The following YPEL2 variants were observed in gnomAD, a reference collection of about 807,000 sequenced individuals.
YPEL2 encodes the protein yippee like 2.
Under a neutral mutation model 19.1 loss-of-function variants are expected in YPEL2, and 2 were observed. That is an observed-to-expected ratio of 0.10 (90% CI 0.04 to 0.33). The LOEUF is 0.33. Among genes scored for constraint, YPEL2 ranks in the 10% least tolerant of loss-of-function variants. YPEL2 has a pLI of 1.00. For missense variants in YPEL2, 66 were observed against 140.7 expected (o/e 0.47, Z 2.68); for synonymous variants, 52 against 50.0 (o/e 1.04, Z -0.17).
rs72831266 is a variant in YPEL2 at position 59,361,870 on chromosome 17, G to A, written c.117+8344G>A. Among the ~76,000 whole-genome samples, 212 of 152,332 alleles carry A rather than the reference G, an allele frequency of 1.4e-3. 3 individuals are homozygous for A. The highest frequency in any genetic ancestry group is 1.9e-3 in the Non-Finnish European group (129 of 68,034). On this transcript the variant is annotated intron_variant, in intron 2 of 4. Transcript: ENST00000312655. ...CATTGAAGTGTGCCTGGAAGCAGAA[G>A]CCTCAAATGATGGGGAGGAGCTGGT...
chr17:59,380,087 C>T (rs1269299007), intron 2 of YPEL2, among the ~76,000 whole-genome samples: 1 of 150,688 alleles, frequency 6.6e-6, no homozygotes, highest in Non-Finnish European at 1.5e-5. Flanking sequence ...TCTCGAACTC[C>T]CGACCTCAAG....
intron 1 of YPEL2, among the ~76,000 whole-genome samples, chr17:59,348,059 C>A (rs1222962733): frequency 6.6e-6 from 1 of 152,198 alleles, no homozygotes; most frequent in African/African-American, 2.4e-5. Context: ...ACACCTAGAA[C>A]CCCTGTGGAG....
intron 4 of YPEL2, among the ~76,000 whole-genome samples, chr17:59,394,029 T>C (rs914787292): frequency 2.0e-5 from 3 of 152,324 alleles, no homozygotes; most frequent in Admixed American, 6.5e-5. Context: ...AGCTGTTGGG[T>C]ACACCTTCCA....
chr17:59,380,092 C>T (rs534548095), intron 2 of YPEL2, among the ~76,000 whole-genome samples: 6 of 151,150 alleles, frequency 4.0e-5, no homozygotes, highest in South Asian at 2.1e-4. Flanking sequence ...AACTCCCGAC[C>T]TCAAGTGATC....
chr17:59,361,295 CTG>C (rs145880329), intron 2 of YPEL2, among the ~76,000 whole-genome samples: 91 of 152,090 alleles, frequency 6.0e-4, no homozygotes, highest in Non-Finnish European at 1.0e-3. Context: ...ATTACGTACT[CTG>C]TGTGTGTGTG....
chr17:59,370,867 G>A (rs1236202484), intron 2 of YPEL2, among the ~76,000 whole-genome samples: 1 of 152,192 alleles, frequency 6.6e-6, no homozygotes, highest in African/African-American at 2.4e-5. Flanking sequence ...GAGTCAGCAG[G>A]GCTCAGAAGC....
chr17:59,397,221 C>T lies in YPEL2; in HGVS notation c.*31C>T, dbSNP rs761553659. The T allele has an allele frequency of 1.6e-5, 24 of 1,516,118 alleles. No individual in the cohort carries two copies. The highest frequency in any genetic ancestry group is 9.6e-5 in the Admixed American group (5 of 52,142). 93.9% of individuals were successfully genotyped at this position (1,516,118 alleles called of 1,614,324 possible). On this transcript the variant is annotated 3_prime_UTR_variant, in exon 5 of 5. Coordinates refer to ENST00000312655, the MANE Select transcript of YPEL2 (RefSeq NM_001005404.4). ...CAGCATCTACCCAACCCAGTGTCCA[C>T]GTGAACGCCATTCAACCGAACATTC... is the stretch of plus-strand genomic sequence containing the variant.
At chr17:59,383,592 A>G (rs2047961961) in intron 2 of YPEL2, among the ~76,000 whole-genome samples, 1 of 50,916 alleles carries the variant, frequency 2.0e-5, no homozygotes, top group African/African-American at 9.5e-5. Context: ...AAAAAAAAAA[A>G]AAAAAAAAAA....
chr17:59,352,572 T>G (rs1189205198), intron 1 of YPEL2, among the ~76,000 whole-genome samples: 1 of 152,222 alleles, frequency 6.6e-6, no homozygotes, highest in Non-Finnish European at 1.5e-5. Flanking sequence ...AAAAATGTAC[T>G]GAGTATTTAC....
chr17:59,367,712 T>C lies in YPEL2; in HGVS notation c.117+14186T>C, dbSNP rs116097083. The stretch of plus-strand genomic sequence containing the variant: ...TGTAGGGGTTGAGGCACTGTGCTAA[T>C]TGACAAGGTCTTAATTGACACCCTG... On this transcript the variant is annotated intron_variant, in intron 2 of 4. Coordinates refer to ENST00000312655, the MANE Select transcript of YPEL2 (RefSeq NM_001005404.4). Among the ~76,000 whole-genome samples the C allele has an allele frequency of 9.3e-3, 1,419 of 152,322 alleles. 20 individuals are homozygous for C. Among genetic ancestry groups the C allele is most frequent in the African/African-American group, 0.032 (1,339 of 41,564 alleles).
intron 2 of YPEL2, among the ~76,000 whole-genome samples, chr17:59,370,748 C>CACAGATGAAGGG (rs1555571038): frequency 6.6e-6 from 1 of 151,534 alleles, no homozygotes; most frequent in Non-Finnish European, 1.5e-5. Context: ...AGCCATGGCA[C>CACAGATGAAGGG]ACAGAGGAGG....
At position 59,397,361 on chromosome 17, in the gene YPEL2, GTCTC is replaced by G. The variant is rs1343114969; in HGVS notation, c.*175_*178del. 2 of 459,368 alleles carry G rather than the reference GTCTC, an allele frequency of 4.4e-6. No individual in the cohort carries two copies. Among genetic ancestry groups the G allele is most frequent in the African/African-American group, 4.1e-5 (2 of 49,252 alleles). 28.5% of individuals were successfully genotyped at this position (459,368 alleles called of 1,614,324 possible). On this transcript the variant is annotated 3_prime_UTR_variant, in exon 5 of 5. Coordinates refer to ENST00000312655, the MANE Select transcript of YPEL2 (RefSeq NM_001005404.4). ...TCTGGTGACCGGCCTCTAAATCGCT[GTCTC>G]TCTGTCTCTTTGCTTTGTATCTGTT...
chr17:59,358,945 A>G (rs1212742252), intron 2 of YPEL2, among the ~76,000 whole-genome samples: 1 of 107,536 alleles, frequency 9.3e-6, no homozygotes, highest in African/African-American at 3.8e-5. Context: ...TTTTTTTGAG[A>G]TGAAGTCTTG....
chr17:59,340,676 A>G (rs192586189), intron 1 of YPEL2, among the ~76,000 whole-genome samples: 2 of 151,046 alleles, frequency 1.3e-5, no homozygotes, highest in East Asian at 3.9e-4. Flanking sequence ...CGGCCTTTCA[A>G]AGTGCTGGGA....
chr17:59,339,310 G>C (rs181799583), intron 1 of YPEL2, among the ~76,000 whole-genome samples: 3 of 152,104 alleles, frequency 2.0e-5, no homozygotes, highest in African/African-American at 4.8e-5. Flanking sequence ...TGTTTTGCTC[G>C]CGGGGCTCTT....
At chr17:59,383,271 G>GT (rs2047958944) in intron 2 of YPEL2, among the ~76,000 whole-genome samples, 1 of 151,850 alleles carries the variant, frequency 6.6e-6, no homozygotes, top group Admixed American at 6.6e-5. Flanking sequence ...GGACCTTGGA[G>GT]TCTTATAGTC....
intron 2 of YPEL2, among the ~76,000 whole-genome samples, chr17:59,375,775 A>G (rs543284169): frequency 6.6e-6 from 1 of 152,348 alleles, no homozygotes; most frequent in African/African-American, 2.4e-5. Flanking sequence ...AATTTAGGCG[A>G]TTGCTAAGTC....
intron 2 of YPEL2, among the ~76,000 whole-genome samples, chr17:59,364,181 G>T (rs2047856176): frequency 6.6e-6 from 1 of 152,232 alleles, no homozygotes. Flanking sequence ...GTGGCTGGAG[G>T]TACCTTTGAA....
chr17:59,370,120 G>T (rs866211798), intron 2 of YPEL2, among the ~76,000 whole-genome samples: 1 of 152,150 alleles, frequency 6.6e-6, no homozygotes, highest in Non-Finnish European at 1.5e-5. Flanking sequence ...GCAGTGGCGC[G>T]ATCTGGGCTC....
Sources: allele counts gnomAD v4.1 joint callset (sites outside exome capture counted in the v4.1 genomes callset), GRCh38; gene constraint gnomAD v4.1.1; transcripts MANE v1.5; gene names NCBI Gene and HGNC (gene_info 2026-07-23, HGNC 2026-07-21).